Variants in INSIG1 observed in about 807,000 individuals in gnomAD.
INSIG1 encodes insulin-induced gene 1 protein.
Under a neutral mutation model 26.5 loss-of-function variants are expected in INSIG1, and 14 were observed. The observed-to-expected ratio is 0.53, with a 90% CI of 0.35 to 0.83. The LOEUF is 0.83. Among genes scored for constraint, INSIG1 ranks in the 40% least tolerant of loss-of-function variants. The pLI is 0.01. For missense variants in INSIG1, 272 were observed against 368.9 expected, an observed-to-expected ratio of 0.74 and a Z score of 2.15; for synonymous variants, 147 against 153.3, an observed-to-expected ratio of 0.96 and a Z score of 0.30.
chr7:155,308,333 A>T lies in INSIG1; in HGVS notation c.*63A>T. On this transcript the variant is annotated 3_prime_UTR_variant, in exon 6 of 6. Transcript: ENST00000340368. ...TTGGAAGAAAATCTGACTGTGGATT[A>T]TGACAAAGATTATCTTTTTTCTTAA... is the stretch of plus-strand genomic sequence containing the variant. The T allele has an allele frequency of 6.3e-7, 1 of 1,595,942 alleles. No individual in the cohort carries two copies. Among genetic ancestry groups the T allele is most frequent in the Non-Finnish European group, 8.6e-7 (1 of 1,163,580 alleles).
At chr7:155,303,983 T>C (rs1417123530) in intron 5 of INSIG1, 3 of 459,284 alleles carry the variant, frequency 6.5e-6, no homozygotes, top group Admixed American at 3.8e-5. Flanking sequence ...TGCCTTTTTT[T>C]TTTTTTTTTT....
intron 5 of INSIG1, among the ~76,000 whole-genome samples, chr7:155,307,358 A>G (rs978020337): frequency 5.9e-5 from 9 of 152,204 alleles, no homozygotes; most frequent in African/African-American, 2.2e-4. Context: ...TGAGGAGCTC[A>G]GCTCCTTCCT....
intron 1 of INSIG1, 127 bp from the exon 2 acceptor site, chr7:155,298,132 G>T (rs1309936581): frequency 8.8e-6 from 6 of 678,558 alleles, no homozygotes; most frequent in Non-Finnish European, 1.1e-5. Flanking sequence ...GGCCCCGGGC[G>T]GGCGCACGGG....
chr7:155,305,089 T>TG (rs1267285020), intron 5 of INSIG1, among the ~76,000 whole-genome samples: 1 of 148,240 alleles, frequency 6.7e-6, no homozygotes, highest in Non-Finnish European at 1.5e-5. Flanking sequence ...GAGCTTGCAA[T>TG]GAGCCGAGAT....
At chr7:155,305,533 A>T (rs1195934657) in intron 5 of INSIG1, among the ~76,000 whole-genome samples, 1 of 152,174 alleles carries the variant, frequency 6.6e-6, no homozygotes, top group African/African-American at 2.4e-5. Context: ...TTCCAGGGAT[A>T]GTGTCTAAGA....
chr7:155,303,436 G>A lies in INSIG1; in HGVS notation c.804+590G>A, dbSNP rs995223081. 1.2e-4 allele frequency among the ~76,000 whole-genome samples: 18 copies of A among 152,362 alleles called. No individual in the cohort carries two copies. The East Asian group carries it at 3.5e-3, about 29-fold the overall frequency. ...GGCAGGTGGCCCTGGGCATGGAGAAGTGGTGATGAGAGCACCGCTGCACGT... is the reference window on the plus strand; with the variant it reads ...GGCAGGTGGCCCTGGGCATGGAGAAATGGTGATGAGAGCACCGCTGCACGT... On this transcript the variant is annotated intron_variant, in intron 5 of 5. Transcript: ENST00000340368.
intron 5 of INSIG1, chr7:155,303,742 C>T (rs79984271): frequency 0.043 from 26,678 of 620,690 alleles, 740 homozygotes; most frequent in Non-Finnish European, 0.051. Context: ...AAACCTAGAG[C>T]TGTTGCTCTC....
chr7:155,302,394 T>G lies in INSIG1; in HGVS notation c.681T>G (p.Phe227Leu), dbSNP rs760796100. Reference protein sequence around the residue: ...IAFLATLITQFLVYNGVYQYT... With the variant: ...IAFLATLITQLLVYNGVYQYT... ...TTCTAGCTACGCTGATCACGCAGTT[T>G]CTCGTGTATAATGGTGTCTATCAGT... is the stretch of plus-strand genomic sequence containing the variant. The change falls in exon 4 of 6, where the codon TTT becomes TTG. Residue 227 changes from phenylalanine to leucine, a missense_variant. Physicochemically the swap from Phe to Leu is conservative, Grantham distance 22. This residue lies in a region of INSIG1 where 111 missense variants were observed against 189.8 expected (regional missense o/e 0.58). Transcript: ENST00000340368. This position sits in a 1 kb window ranked among gnomAD's most constrained non-coding sequence, Gnocchi z 4.3. 3 of 1,607,428 alleles carry G rather than the reference T, an allele frequency of 1.9e-6. No homozygotes were observed. Among genetic ancestry groups the G allele is most frequent in the South Asian group, 2.2e-5 (2 of 89,414 alleles).
intron 2 of INSIG1, among the ~76,000 whole-genome samples, chr7:155,300,566 C>T (rs1282126326): frequency 1.3e-5 from 2 of 152,070 alleles, no homozygotes; most frequent in African/African-American, 4.8e-5. Flanking sequence ...ACACAGTGAC[C>T]CTTGTGTCCC....
rs76010644 is a variant in INSIG1, at chr7:155,306,401, A to G, written c.805-1840A>G. 6.8e-3 allele frequency among the ~76,000 whole-genome samples: 1,038 copies of G among 152,372 alleles called. 11 individuals are homozygous for G. The highest frequency in any genetic ancestry group is 9.8e-3 in the Non-Finnish European group (670 of 68,032). On this transcript the variant is annotated intron_variant, in intron 5 of 5. Transcript: ENST00000340368. ...AAGTCCTTTCTCAAGAGTAAGCTGC[A>G]AACTGCCAACAGCAATCAAGCCTGT... is the stretch of plus-strand genomic sequence containing the variant.
At chr7:155,304,913 G>A (rs935416799) in intron 5 of INSIG1, among the ~76,000 whole-genome samples, 1 of 150,856 alleles carries the variant, frequency 6.6e-6, no homozygotes, top group Non-Finnish European at 1.5e-5. Flanking sequence ...TGAGGCGGGC[G>A]GATCACGAGG....
At chr7:155,305,440 G>A (rs975693405) in intron 5 of INSIG1, among the ~76,000 whole-genome samples, 6 of 152,094 alleles carry the variant, frequency 3.9e-5, no homozygotes, top group African/African-American at 1.4e-4. Context: ...TTGCATTCGT[G>A]GTGCGTGTTT....
chr7:155,298,403 G>A lies in INSIG1; in HGVS notation c.118G>A (p.Val40Ile), dbSNP rs1340677254. The A allele has an allele frequency of 6.4e-7, 1 of 1,561,902 alleles. No homozygotes were observed. The change falls in exon 2 of 6, where the codon GTT becomes ATT. Residue 40 changes from valine (V) to isoleucine (I), a missense_variant. By Grantham distance (29) the Val-to-Ile change is conservative. Around this residue, in one of 2 missense-constraint regions of INSIG1, gnomAD observed 161 missense variants for 179.2 expected, o/e 0.90. Transcript: ENST00000340368. ...GGCCAAGGTTGGGGAGATGATCAACGTTTCCGTGTCCGGGCCCTCCCTGCT... is the reference window on the plus strand; with the variant it reads ...GGCCAAGGTTGGGGAGATGATCAACATTTCCGTGTCCGGGCCCTCCCTGCT... ...LAAKVGEMIN[V>I]SVSGPSLLAA...
chr7:155,301,338 C>T (rs1362631974), intron 2 of INSIG1, among the ~76,000 whole-genome samples: 1 of 152,132 alleles, frequency 6.6e-6, no homozygotes, highest in Non-Finnish European at 1.5e-5. Flanking sequence ...GAGACATGTT[C>T]AACTACACTA....
At chr7:155,307,340 GC>G (rs1437403843) in intron 5 of INSIG1, among the ~76,000 whole-genome samples, 4 of 152,224 alleles carry the variant, frequency 2.6e-5, no homozygotes, top group Non-Finnish European at 5.9e-5. Flanking sequence ...CTCCGTCATT[GC>G]TGAAGGTGAG....
chr7:155,302,141 A>T lies in INSIG1; in HGVS notation c.538-110A>T. 1 of 785,644 alleles carries T rather than the reference A, an allele frequency of 1.3e-6. No homozygotes were observed. The highest frequency in any genetic ancestry group is 1.9e-6 in the Non-Finnish European group (1 of 515,054). The allele number at this position is 785,644 out of a possible 1,614,324, so 48.7% of individuals were successfully genotyped here. ...TATTACACAGTTTTTATGGACAGTG[A>T]ATTATCTGTGGTACAATAATAAAAT... On this transcript the variant is annotated intron_variant, in intron 3 of 5. Coordinates refer to ENST00000340368, the MANE Select transcript of INSIG1 (RefSeq NM_005542.6). The surrounding 1 kb of genome is among the most constrained non-coding windows in gnomAD (Gnocchi z 4.3).
intron 5 of INSIG1, among the ~76,000 whole-genome samples, chr7:155,305,707 C>T (rs1260583527): frequency 6.6e-6 from 1 of 152,182 alleles, no homozygotes; most frequent in Non-Finnish European, 1.5e-5. Flanking sequence ...GTGTTTGGTG[C>T]TGATGGTTTT....
Position 155,302,272 on chromosome 7 carries a change from G to A in INSIG1, c.559G>A (p.Val187Ile). ...ASAKLDFANN[V>I]QLSLTLAALS... The stretch of plus-strand genomic sequence containing the variant: ...CCAGAAATTGGATTTTGCCAATAAT[G>A]TCCAGCTGTCCTTGACTTTAGCAGC... The change falls in exon 4 of 6, where the codon GTC becomes ATC. Residue 187 changes from valine to isoleucine, a missense_variant. Coordinates refer to ENST00000340368, the MANE Select transcript of INSIG1 (RefSeq NM_005542.6). This position sits in a 1 kb window ranked among gnomAD's most constrained non-coding sequence, Gnocchi z 4.3. The A allele has an allele frequency of 1.3e-6, 2 of 1,578,014 alleles. No individual in the cohort carries two copies. Among genetic ancestry groups the A allele is most frequent in the Non-Finnish European group, 1.7e-6 (2 of 1,165,974 alleles).
chr7:155,306,151 C>T (rs1193257158), intron 5 of INSIG1, among the ~76,000 whole-genome samples: 4 of 152,170 alleles, frequency 2.6e-5, no homozygotes, highest in African/African-American at 9.7e-5. Flanking sequence ...AGGCGCCCAC[C>T]ACCGCACCTG....
Sources: gnomAD v4.1 joint callset for allele counts (sites outside exome capture counted in the v4.1 genomes callset) on GRCh38, gnomAD v4.1.1 for gene constraint, gnomAD v4.1.1 regional missense constraint, Gnocchi (gnomAD v3.1) non-coding constraint, MANE v1.5 for transcripts, NCBI Gene and HGNC (gene_info 2026-07-23, HGNC 2026-07-21) for gene names.